The following ZFAT variants were observed in gnomAD, a reference collection of about 807,000 sequenced individuals.
ZFAT encodes zinc finger protein ZFAT.
ZFAT carries 64 observed loss-of-function variants against 117.7 expected under a neutral mutation model. The ratio of observed to expected loss-of-function variants is 0.54; its 90% CI spans 0.44 to 0.67. The LOEUF (loss-of-function observed/expected upper bound fraction) is 0.67. Among genes scored for constraint, ZFAT ranks in the 30% least tolerant of loss-of-function variants. The pLI is 0.00. For synonymous variants in ZFAT, 679 were observed against 615.0 expected (o/e 1.10, Z -1.54); for missense variants, 1,433 against 1,584.5 (o/e 0.90, Z 1.62).
At chr8:134,725,412 T>C in the ZFAT span, among the ~76,000 whole-genome samples, 1 of 152,068 alleles carries the variant, frequency 6.6e-6, no homozygotes, top group East Asian at 1.9e-4. Flanking sequence ...CTCAGGAAAC[T>C]TACAATCATG....
At chr8:134,773,535 T>C in the ZFAT span, among the ~76,000 whole-genome samples, 1 of 152,226 alleles carries the variant, frequency 6.6e-6, no homozygotes, top group Non-Finnish European at 1.5e-5. Flanking sequence ...TGTAAGTCTA[T>C]AGCTGCCATA....
At chr8:134,743,926 T>C in the ZFAT span, among the ~76,000 whole-genome samples, 1 of 152,214 alleles carries the variant, frequency 6.6e-6, no homozygotes, top group Non-Finnish European at 1.5e-5. Context: ...TGCAATGGCA[T>C]AGAACATGTG....
chr8:134,698,177 T>A (rs1039335902), intron 1 of ZFAT, among the ~76,000 whole-genome samples: 3 of 151,656 alleles, frequency 2.0e-5, no homozygotes, highest in African/African-American at 7.3e-5. Context: ...ACAAAAAAAA[T>A]TAGCTGTGCG....
the ZFAT span, among the ~76,000 whole-genome samples, chr8:134,828,912 A>G: frequency 6.6e-6 from 1 of 152,248 alleles, no homozygotes; most frequent in African/African-American, 2.4e-5. Context: ...ATTTGCACCT[A>G]CAGAAAATTT....
intron 3 of ZFAT, among the ~76,000 whole-genome samples, chr8:134,621,614 T>C (rs544275814): frequency 9.3e-4 from 141 of 152,326 alleles, no homozygotes; most frequent in Admixed American, 2.6e-3. Context: ...GTCAGCATAC[T>C]GGGATGGTAA....
At chr8:134,736,562 A>G in the ZFAT span, among the ~76,000 whole-genome samples, 3 of 151,980 alleles carry the variant, frequency 2.0e-5, no homozygotes, top group African/African-American at 7.3e-5. Context: ...AGGTCCCCCA[A>G]AGCCTTTTAA....
chr8:134,619,875 T>A (rs376308833), intron 3 of ZFAT, among the ~76,000 whole-genome samples: 11 of 152,162 alleles, frequency 7.2e-5, no homozygotes, highest in African/African-American at 2.4e-4. Context: ...ACTGTCTCCA[T>A]GAGTGGTACA....
intron 15 of ZFAT, among the ~76,000 whole-genome samples, chr8:134,480,753 CCTGGCCTGCAAA>C (rs1817244638): frequency 1.3e-5 from 2 of 152,204 alleles, no homozygotes; most frequent in Non-Finnish European, 2.9e-5. Context: ...CGGGTCCTTT[CCTGGCCTGCAAA>C]TTGGCATTGG....
the ZFAT span, chr8:134,785,609 T>C: frequency 6.6e-6 from 1 of 152,100 alleles, no homozygotes; most frequent in African/African-American, 2.4e-5. Flanking sequence ...TAGTGCCATT[T>C]ATTGAAAAGT....
chr8:134,678,199 A>T (rs1159821335), intron 1 of ZFAT, among the ~76,000 whole-genome samples: 1 of 152,178 alleles, frequency 6.6e-6, no homozygotes, highest in Non-Finnish European at 1.5e-5. Context: ...TTATAACCCC[A>T]TTGTCTCAGC....
At chr8:134,592,831 C>T (rs28450354) in intron 7 of ZFAT, among the ~76,000 whole-genome samples, 30,826 of 152,144 alleles carry the variant, frequency 0.2, 3,268 homozygotes, top group Middle Eastern at 0.24. Flanking sequence ...ACATTAAAAA[C>T]CAAAACCAAA....
chr8:134,807,633 G>A, the ZFAT span, among the ~76,000 whole-genome samples: 3 of 151,800 alleles, frequency 2.0e-5, no homozygotes, highest in Non-Finnish European at 2.9e-5. Context: ...GGTGGTGACA[G>A]GGAGAAAACA....
At chr8:134,743,793 A>C in the ZFAT span, among the ~76,000 whole-genome samples, 2 of 152,292 alleles carry the variant, frequency 1.3e-5, no homozygotes, top group East Asian at 3.9e-4. Context: ...CACAGCGAGA[A>C]GAGAACCCAC....
At chr8:134,733,072 C>T in the ZFAT span, among the ~76,000 whole-genome samples, 2 of 152,174 alleles carry the variant, frequency 1.3e-5, no homozygotes, top group Non-Finnish European at 2.9e-5. Context: ...AGAGGGCATA[C>T]ATGGAAATTC....
At chr8:134,555,748 C>T (rs1364778720) in intron 11 of ZFAT, among the ~76,000 whole-genome samples, 1 of 151,110 alleles carries the variant, frequency 6.6e-6, no homozygotes, top group African/African-American at 2.4e-5. Context: ...TGTGCAGGTG[C>T]CCCAGATGTT....
chr8:134,780,249 T>G, the ZFAT span, among the ~76,000 whole-genome samples: 1 of 152,244 alleles, frequency 6.6e-6, no homozygotes, highest in Non-Finnish European at 1.5e-5. Context: ...TTTCTTGTCC[T>G]GGGACCAAAT....
rs1832300333 is a variant in ZFAT, at chr8:134,667,612, A to G, written c.20-9875T>C. The stretch of plus-strand genomic sequence containing the variant: ...ATCCAAGAACTTAAAAGTAAAATAA[A>G]AAAAAAAAGAGGGGGGCAGCTCCAA... On this transcript the variant is annotated intron_variant, in intron 1 of 15. Coordinates refer to ENST00000377838, the MANE Select transcript of ZFAT (RefSeq NM_020863.4). Among the ~76,000 whole-genome samples, 3 of 151,858 alleles carry G rather than the reference A, an allele frequency of 2.0e-5. No homozygotes were observed. The South Asian group carries it at 6.2e-4, about 32-fold the overall frequency.
In ZFAT at chr8:134,549,833, C is replaced by A. The variant is rs187525112; in HGVS notation, c.2976+15500G>T. Among the ~76,000 whole-genome samples the A allele has an allele frequency of 1.3e-3, 205 of 152,238 alleles. 5 individuals are homozygous for A. Among genetic ancestry groups the A allele is most frequent in the Admixed American group, 0.013 (205 of 15,300 alleles). ...ACCTGACCCAAACAAACACACCAGACCCCCGTGACCCACTGACAGTCACAG... is the reference window on the plus strand; with the variant it reads ...ACCTGACCCAAACAAACACACCAGAACCCCGTGACCCACTGACAGTCACAG... On this transcript the variant is annotated intron_variant, in intron 11 of 15. Transcript: ENST00000377838.
At chr8:134,523,770 A>T (rs530331239) in intron 12 of ZFAT, among the ~76,000 whole-genome samples, 4 of 151,792 alleles carry the variant, frequency 2.6e-5, no homozygotes, top group African/African-American at 9.7e-5. Context: ...TGGTTCACAA[A>T]CTCTTCCCCA....
Sources: gnomAD v4.1 joint callset for allele counts (sites outside exome capture counted in the v4.1 genomes callset) on GRCh38, gnomAD v4.1.1 for gene constraint, MANE v1.5 for transcripts, NCBI Gene and HGNC (gene_info 2026-07-23, HGNC 2026-07-21) for gene names.